The following SLC12A8 variants were observed in gnomAD, a reference collection of about 807,000 sequenced individuals.
SLC12A8 encodes the protein cation-chloride cotransporter 9.
SLC12A8 carries 69 observed loss-of-function variants against 75.6 expected under a neutral mutation model. The ratio of observed to expected loss-of-function variants is 0.91; its 90% CI spans 0.75 to 1.11. The LOEUF (loss-of-function observed/expected upper bound fraction) is 1.11, where lower values mean the gene tolerates loss of function less well. SLC12A8 is among the 50% of genes most tolerant of loss of function. SLC12A8 has a pLI of 0.00. For missense variants in SLC12A8, 877 were observed against 896.7 expected (o/e 0.98, Z 0.28); for synonymous variants, 365 against 372.8 (o/e 0.98, Z 0.24).
chr3:125,110,883 C>G (rs1325614291), intron 8 of SLC12A8, among the ~76,000 whole-genome samples: 3 of 152,192 alleles, frequency 2.0e-5, no homozygotes, highest in East Asian at 3.8e-4. Flanking sequence ...ACATATAAGG[C>G]TCTTCATGGT....
intron 13 of SLC12A8, among the ~76,000 whole-genome samples, chr3:125,087,313 G>A (rs529187262): frequency 6.6e-6 from 1 of 152,124 alleles, no homozygotes; most frequent in Admixed American, 6.5e-5. Context: ...GGCTGGTCTT[G>A]AACTCCTGAC....
At position 125,084,072 on chromosome 3, in the gene SLC12A8, G is replaced by A. The variant is rs1462363053; in HGVS notation, c.1983-20C>T. On this transcript the variant is annotated intron_variant, in intron 13 of 13. Coordinates refer to ENST00000469902, the MANE Select transcript of SLC12A8 (RefSeq NM_024628.6). ...AAGCTCCTGCAGTGAGAGAGACACAGAGGATGGTGAGAAGGACAGAACAGA... is the reference window on the plus strand; with the variant it reads ...AAGCTCCTGCAGTGAGAGAGACACAAAGGATGGTGAGAAGGACAGAACAGA... 6.2e-7 allele frequency: 1 copy of A among 1,604,284 alleles called. No homozygotes were observed.
chr3:125,156,346 C>T, intron 5 of SLC12A8, among the ~76,000 whole-genome samples: 1 of 152,184 alleles, frequency 6.6e-6, no homozygotes, highest in South Asian at 2.1e-4. Context: ...TCTCCAGTAT[C>T]TCAGGGCCAG....
chr3:125,180,607 C>T (rs1488425633), intron 4 of SLC12A8, among the ~76,000 whole-genome samples: 1 of 152,152 alleles, frequency 6.6e-6, no homozygotes, highest in African/African-American at 2.4e-5. Flanking sequence ...AGGAAAATCC[C>T]TTGAACCCGG....
rs1282371066 is a variant in SLC12A8, at chr3:125,088,276, T to C, written c.1982+34A>G. The C allele has an allele frequency of 2.5e-6, 4 of 1,608,432 alleles. No individual in the cohort carries two copies. In the Admixed American group the frequency reaches 5.0e-5, roughly 20 times the overall value. On this transcript the variant is annotated intron_variant, in intron 13 of 13. Transcript: ENST00000469902. ...CACCTCCCAGGACTCTGGACACTCA[T>C]CCATTCTGGTACTGGCTCCAAATTG... is the stretch of plus-strand genomic sequence containing the variant.
chr3:125,168,222 A>C (rs1490242757), intron 5 of SLC12A8, among the ~76,000 whole-genome samples: 1 of 152,046 alleles, frequency 6.6e-6, no homozygotes, highest in East Asian at 1.9e-4. Flanking sequence ...GAGAAATAAA[A>C]GTTCTTTTCC....
At chr3:125,119,788 G>C (rs9834460) in intron 7 of SLC12A8, 8,782 of 448,616 alleles carry the variant, frequency 0.02, 577 homozygotes, top group African/African-American at 0.15. Flanking sequence ...TAAATACTGT[G>C]GTTAGAATAA....
chr3:125,106,317 G>A (rs1939020519), intron 10 of SLC12A8, among the ~76,000 whole-genome samples: 1 of 151,944 alleles, frequency 6.6e-6, no homozygotes, highest in Non-Finnish European at 1.5e-5. Context: ...GGAAAAACAG[G>A]TTTCTGGGAG....
chr3:125,083,829 C>T lies in SLC12A8; in HGVS notation c.*61G>A. On this transcript the variant is annotated 3_prime_UTR_variant, in exon 14 of 14. Coordinates refer to ENST00000469902, the MANE Select transcript of SLC12A8 (RefSeq NM_024628.6). The stretch of plus-strand genomic sequence containing the variant: ...GTTGGAGAAGCAGCTCCACGAAGGT[C>T]CTGAGCTTGGGTCCACTGTACATGG... 1.3e-6 allele frequency: 2 copies of T among 1,531,460 alleles called. No individual in the cohort carries two copies. The highest frequency in any genetic ancestry group is 1.8e-4 in the Middle Eastern group (1 of 5,504). The allele number at this position is 1,531,460 out of a possible 1,614,324, so 94.9% of individuals were successfully genotyped here.
chr3:125,147,479 C>T (rs764707930), intron 5 of SLC12A8, among the ~76,000 whole-genome samples: 3 of 152,170 alleles, frequency 2.0e-5, no homozygotes, highest in African/African-American at 4.8e-5. Context: ...TTTCTGCAGG[C>T]GCTTATGGAG....
At chr3:125,137,776 C>T (rs1463292603) in intron 5 of SLC12A8, among the ~76,000 whole-genome samples, 3 of 152,214 alleles carry the variant, frequency 2.0e-5, no homozygotes, top group Non-Finnish European at 4.4e-5. Flanking sequence ...TTTCTCTGCC[C>T]ATCCCTTCAG....
At chr3:125,151,268 C>T (rs911759172) in intron 5 of SLC12A8, 5 of 153,170 alleles carry the variant, frequency 3.3e-5, no homozygotes, top group African/African-American at 9.6e-5. Flanking sequence ...ATGGTGAAGT[C>T]ATTGGCCTCT....
chr3:125,169,602 C>T (rs1934365499), intron 5 of SLC12A8, among the ~76,000 whole-genome samples: 2 of 152,156 alleles, frequency 1.3e-5, no homozygotes. Context: ...GAGTATGAGG[C>T]TGCCAGCCCC....
chr3:125,173,995 G>A (rs1934465536), intron 5 of SLC12A8, among the ~76,000 whole-genome samples: 1 of 97,736 alleles, frequency 1.0e-5, no homozygotes, highest in South Asian at 3.0e-4. Context: ...GGGAGGCTGA[G>A]GCATAAGAAT....
intron 2 of SLC12A8, among the ~76,000 whole-genome samples, chr3:125,209,156 T>C (rs902912971): frequency 6.6e-6 from 1 of 152,210 alleles, no homozygotes; most frequent in African/African-American, 2.4e-5. Flanking sequence ...TCCAGCATTT[T>C]AGCCACCTAA....
chr3:125,129,281 A>T lies in SLC12A8; in HGVS notation c.736+6388T>A, dbSNP rs553532745. ...CTGGATCCCTGGAGTGGCTGCATCC[A>T]CATGGTATGTGTGAAACCCTGGAGA... On this transcript the variant is annotated intron_variant, in intron 6 of 13. Coordinates refer to ENST00000469902, the MANE Select transcript of SLC12A8 (RefSeq NM_024628.6). Among the ~76,000 whole-genome samples the T allele has an allele frequency of 3.3e-4, 51 of 152,320 alleles. 1 individual carries two copies. The East Asian group carries it at 9.6e-3, about 29-fold the overall frequency.
At chr3:125,125,941 C>A in intron 6 of SLC12A8, 3 of 984,986 alleles carry the variant, frequency 3.0e-6, no homozygotes, top group Non-Finnish European at 3.6e-6. Flanking sequence ...CAGGCACTTG[C>A]ATCACCAGCT....
chr3:125,096,025 G>T (rs1225484022), intron 10 of SLC12A8, among the ~76,000 whole-genome samples: 1 of 152,072 alleles, frequency 6.6e-6, no homozygotes, highest in African/African-American at 2.4e-5. Context: ...ATACAGCACT[G>T]CCCCCGCTTT....
intron 5 of SLC12A8, among the ~76,000 whole-genome samples, chr3:125,170,894 GACA>G (rs1369714077): frequency 2.0e-5 from 3 of 152,184 alleles, no homozygotes; most frequent in Admixed American, 6.5e-5. Flanking sequence ...CAGCCTGGGT[GACA>G]GAGCGAGACT....
Sources: allele counts gnomAD v4.1 joint callset (sites outside exome capture counted in the v4.1 genomes callset), GRCh38; gene constraint gnomAD v4.1.1; transcripts MANE v1.5; gene names NCBI Gene and HGNC (gene_info 2026-07-23, HGNC 2026-07-21).